The following GNPTAB variants were observed in gnomAD, a reference collection of about 807,000 sequenced individuals.
GNPTAB encodes the protein N-acetylglucosamine-1-phosphate transferase subunits alpha and beta, also known as N-acetylglucosamine-1-phosphotransferase subunits alpha/beta.
A neutral mutation model predicts 136.6 loss-of-function variants in GNPTAB; 92 were observed. That is an observed-to-expected ratio of 0.67 (90% CI 0.57 to 0.80). GNPTAB has a LOEUF of 0.80. Among genes scored for constraint, GNPTAB ranks in the 30% least tolerant of loss-of-function variants. The pLI, the probability that GNPTAB is intolerant of heterozygous loss-of-function variation, is 0.00. For missense variants in GNPTAB, 1,343 were observed against 1,501.8 expected, an observed-to-expected ratio of 0.89 and a Z score of 1.75; for synonymous variants, 512 against 535.1, an observed-to-expected ratio of 0.96 and a Z score of 0.60.
At chr12:101,797,278 C>T (rs148670481) in intron 1 of GNPTAB, among the ~76,000 whole-genome samples, 2 of 151,978 alleles carry the variant, frequency 1.3e-5, no homozygotes, top group African/African-American at 4.8e-5. Flanking sequence ...TTACAGAATC[C>T]GTCTAAAGTT....
rs1258076919 is a variant in GNPTAB at position 101,753,444 on chromosome 12, G to C, written c.3530C>G (p.Pro1177Arg). 3 of 1,613,614 alleles carry C rather than the reference G, an allele frequency of 1.9e-6. No individual in the cohort carries two copies. The African/African-American group carries it at 4.0e-5, about 22-fold the overall frequency. The change falls in exon 19 of 21, where the codon CCC becomes CGC. Residue 1177 changes from proline (P) to arginine (R), a missense_variant. Pro to Arg is a moderately radical substitution (Grantham distance 103, BLOSUM62 -2). Coordinates refer to ENST00000299314, the MANE Select transcript of GNPTAB (RefSeq NM_024312.5). ...VLRDFYESMFPIPSQFELPRE... is the reference protein window; with the variant it reads ...VLRDFYESMFRIPSQFELPRE... ...TGGCAGTTCAAATTGGGAAGGTATG[G>C]GGAACATGGATTCATAGAAGTCCCT... is the stretch of plus-strand genomic sequence containing the variant.
chr12:101,821,043 G>A (rs1436337772), intron 1 of GNPTAB, among the ~76,000 whole-genome samples: 1 of 133,834 alleles, frequency 7.5e-6, no homozygotes, highest in Non-Finnish European at 1.5e-5. Context: ...GGGCGGCAGA[G>A]TGAGACTCCG....
At chr12:101,796,058 G>T in intron 2 of GNPTAB, 3 of 579,488 alleles carry the variant, frequency 5.2e-6, no homozygotes, top group Non-Finnish European at 9.2e-6. Context: ...CACTAATGAG[G>T]TATGAGGCTA....
intron 1 of GNPTAB, among the ~76,000 whole-genome samples, chr12:101,817,795 A>G (rs1870581560): frequency 6.6e-6 from 1 of 152,194 alleles, no homozygotes; most frequent in Non-Finnish European, 1.5e-5. Context: ...TCCTGTCTCA[A>G]AAAATAAAAA....
At chr12:101,786,351 CT>C in intron 4 of GNPTAB, 134 bp from the exon 5 acceptor site, 1 of 740,458 alleles carries the variant, frequency 1.4e-6, no homozygotes, top group Non-Finnish European at 2.3e-6. Flanking sequence ...CAAATGAAGA[CT>C]TTTATCTCAT....
chr12:101,800,604 C>CAAAAAAAAAAAAAA (rs58129963), intron 1 of GNPTAB, among the ~76,000 whole-genome samples: 6 of 74,280 alleles, frequency 8.1e-5, no homozygotes, highest in Non-Finnish European at 1.5e-4. Context: ...ACTAAAAATA[C>CAAAAAAAAAAAAAA]AAAAAAAAAA....
chr12:101,777,081 A>C (rs1261952646), intron 7 of GNPTAB, among the ~76,000 whole-genome samples: 4 of 152,188 alleles, frequency 2.6e-5, no homozygotes, highest in Admixed American at 2.6e-4. Flanking sequence ...CATCACTTCT[A>C]TCTTCACCAG....
intron 19 of GNPTAB, among the ~76,000 whole-genome samples, chr12:101,753,032 C>T (rs1398768859): frequency 1.3e-5 from 2 of 152,096 alleles, no homozygotes; most frequent in Non-Finnish European, 2.9e-5. Flanking sequence ...GCGGGCGGAT[C>T]ACCTGAGGTC....
At chr12:101,754,854 A>T (rs760864213) in intron 18 of GNPTAB, among the ~76,000 whole-genome samples, 2 of 152,230 alleles carry the variant, frequency 1.3e-5, no homozygotes, top group Non-Finnish European at 2.9e-5. Flanking sequence ...AGAGGGACAA[A>T]GTGTAAGATA....
At chr12:101,767,945 ATGTT>A in intron 11 of GNPTAB, 88 bp downstream of exon 11, 28 of 1,322,768 alleles carry the variant, frequency 2.1e-5, no homozygotes, top group Non-Finnish European at 3.1e-5. Flanking sequence ...TACATAAAGA[ATGTT>A]TGGTTAAGTC....
chr12:101,812,683 C>G (rs561318993), intron 1 of GNPTAB, among the ~76,000 whole-genome samples: 8 of 152,054 alleles, frequency 5.3e-5, no homozygotes, highest in Non-Finnish European at 1.2e-4. Context: ...ATCTTGAGAC[C>G]AGGAGGCTGA....
At position 101,786,067 on chromosome 12, in the gene GNPTAB, T is replaced by C; in HGVS notation, c.516A>G (p.Lys172=). ...AGACATTGGTAGAAGGGTTTTTTGG[T>C]TTTGCAACATTGAAAATGTCACTGG... is the stretch of plus-strand genomic sequence containing the variant. ...HSASDIFNVA[K]PKNPSTNVSV... The change falls in exon 5 of 21, where the codon AAA becomes AAG. Residue 172 remains lysine, a synonymous_variant. Coordinates refer to ENST00000299314, the MANE Select transcript of GNPTAB (RefSeq NM_024312.5). 3 of 1,614,086 alleles carry C rather than the reference T, an allele frequency of 1.9e-6. No individual in the cohort carries two copies. Among genetic ancestry groups the C allele is most frequent in the Non-Finnish European group, 2.5e-6 (3 of 1,179,994 alleles).
intron 1 of GNPTAB, among the ~76,000 whole-genome samples, chr12:101,824,440 T>C (rs1439393276): frequency 1.1e-5 from 1 of 92,762 alleles, no homozygotes; most frequent in African/African-American, 4.2e-5. Flanking sequence ...ATATTTTCTT[T>C]TTTTTTTTTT....
chr12:101,824,498 ACT>A (rs1334284519), intron 1 of GNPTAB, among the ~76,000 whole-genome samples: 3 of 126,658 alleles, frequency 2.4e-5, no homozygotes, highest in African/African-American at 3.1e-5. Flanking sequence ...ACAGAGCCTC[ACT>A]CTGTCGCCCA....
chr12:101,830,176 T>A (rs755381539), intron 1 of GNPTAB, among the ~76,000 whole-genome samples: 1 of 152,194 alleles, frequency 6.6e-6, no homozygotes, highest in Non-Finnish European at 1.5e-5. Flanking sequence ...GAGGATCACT[T>A]GAGCCCAGGA....
In GNPTAB at chr12:101,830,794, C is replaced by A; in HGVS notation, c.-119G>T. ...GGCCGCCGCGCGCAGGTCACAGCCTCCGGGCGCCGCTCATTGCAGCTCCGG... is the reference window on the plus strand; with the variant it reads ...GGCCGCCGCGCGCAGGTCACAGCCTACGGGCGCCGCTCATTGCAGCTCCGG... On this transcript the variant is annotated 5_prime_UTR_variant, in exon 1 of 21. Transcript: ENST00000299314. 1 of 450,828 alleles carries A rather than the reference C, an allele frequency of 2.2e-6. No homozygotes were observed. Among genetic ancestry groups the A allele is most frequent in the Non-Finnish European group, 4.0e-6 (1 of 252,990 alleles). The allele number at this position is 450,828 out of a possible 1,614,324, so 27.9% of individuals were successfully genotyped here. A position where few individuals can be genotyped will look rare whatever the true frequency, so the allele number is the denominator to read the frequency against.
At chr12:101,767,661 C>T (rs1228567889) in intron 11 of GNPTAB, among the ~76,000 whole-genome samples, 2 of 152,172 alleles carry the variant, frequency 1.3e-5, no homozygotes, top group Non-Finnish European at 2.9e-5. Context: ...GTCACTCTGC[C>T]GCCCAGGTTA....
At chr12:101,789,439 T>C (rs1868852825) in intron 3 of GNPTAB, among the ~76,000 whole-genome samples, 2 of 152,166 alleles carry the variant, frequency 1.3e-5, no homozygotes, top group Admixed American at 1.3e-4. Context: ...CCTTCTCTAA[T>C]GCATGCTTAC....
At position 101,754,687 on chromosome 12, in the gene GNPTAB, A is replaced by G. The variant is rs1424975329; in HGVS notation, c.3435-1148T>C. Among the ~76,000 whole-genome samples the G allele has an allele frequency of 2.6e-5, 4 of 152,220 alleles. No individual in the cohort carries two copies. The East Asian group carries it at 7.7e-4, about 29-fold the overall frequency. On this transcript the variant is annotated intron_variant, in intron 18 of 20. Coordinates refer to ENST00000299314, the MANE Select transcript of GNPTAB (RefSeq NM_024312.5). ...GCAAAGGTCACTAAACTAAGGGCCC[A>G]TTAAAGTGGCTTGTAGGTAGGCCAA...
Sources: gnomAD v4.1 joint callset for allele counts (sites outside exome capture counted in the v4.1 genomes callset) on GRCh38, gnomAD v4.1.1 for gene constraint, MANE v1.5 for transcripts, NCBI Gene and HGNC (gene_info 2026-07-23, HGNC 2026-07-21) for gene names.